Variants in HIPK2 observed in about 807,000 individuals in gnomAD.
The protein encoded by HIPK2 is homeodomain interacting protein kinase 2, also known as homeodomain-interacting protein kinase 2.
In HIPK2, 27 loss-of-function variants were observed where a neutral mutation model predicts 113.7. The ratio of observed to expected loss-of-function variants is 0.24; its 90% CI spans 0.17 to 0.33. The LOEUF (loss-of-function observed/expected upper bound fraction) is 0.33. HIPK2 is among the 10% of genes least tolerant of loss of function. The pLI, the probability that HIPK2 is intolerant of heterozygous loss-of-function variation, is 1.00. For missense variants in HIPK2, 1,257 were observed against 1,588.0 expected, an observed-to-expected ratio of 0.79 and a Z score of 3.54; for synonymous variants, 631 against 642.2, an observed-to-expected ratio of 0.98 and a Z score of 0.26.
At position 139,714,989 on chromosome 7, in the gene HIPK2, C is replaced by T. The variant is rs1024598408; in HGVS notation, c.1103+943G>A. 2.0e-5 allele frequency among the ~76,000 whole-genome samples: 3 copies of T among 152,140 alleles called. No homozygotes were observed. The highest frequency in any genetic ancestry group is 2.9e-5 in the Non-Finnish European group (2 of 68,026). ...GAAATGAAGGCATGGAGAAATCAGG[C>T]CATTAGGAGAGGAGGGACCAGGTTC... is the stretch of plus-strand genomic sequence containing the variant. On this transcript the variant is annotated intron_variant, in intron 2 of 14. Transcript: ENST00000406875. This position sits in a 1 kb window ranked among gnomAD's most constrained non-coding sequence, Gnocchi z 4.2.
In HIPK2 at chr7:139,566,495, T is replaced by G. The variant is rs918040582; in HGVS notation, c.*6432A>C. ...ATAGAAATATGAGGCCACGCATTGC[T>G]ATTAATTAAAAAAAGTTAAAAGATT... is the stretch of plus-strand genomic sequence containing the variant. On this transcript the variant is annotated 3_prime_UTR_variant, in exon 15 of 15. Coordinates refer to ENST00000406875, the MANE Select transcript of HIPK2 (RefSeq NM_022740.5). This position sits in a 1 kb window ranked among gnomAD's most constrained non-coding sequence, Gnocchi z 4.1. 1.3e-5 allele frequency: 2 copies of G among 152,168 alleles called. No individual in the cohort carries two copies. Among genetic ancestry groups the G allele is most frequent in the African/African-American group, 4.8e-5 (2 of 41,432 alleles). 9.4% of individuals were successfully genotyped at this position (152,168 alleles called of 1,614,324 possible). A position where few individuals can be genotyped will look rare whatever the true frequency, so the allele number is the denominator to read the frequency against.
chr7:139,615,145 G>C (rs1173918395), intron 7 of HIPK2, among the ~76,000 whole-genome samples: 2 of 152,252 alleles, frequency 1.3e-5, no homozygotes, highest in African/African-American at 4.8e-5. Context: ...TATGGTCTCA[G>C]TACCCAGAGC....
intron 6 of HIPK2, among the ~76,000 whole-genome samples, chr7:139,622,433 G>C (rs974859611): frequency 1.3e-5 from 2 of 152,180 alleles, no homozygotes; most frequent in Non-Finnish European, 2.9e-5. Context: ...TTTTTGGAAT[G>C]GGCTTAAAGC....
Position 139,741,476 on chromosome 7 carries a change from AT to A in HIPK2, c.20-24462del, listed in dbSNP as rs551032503. Among the ~76,000 whole-genome samples, 190 of 152,244 alleles carry A rather than the reference AT, an allele frequency of 1.2e-3. 1 individual carries two copies. The highest frequency in any genetic ancestry group is 4.1e-3 in the African/African-American group (169 of 41,536). ...TGGCATTATTTTTGTTTTTGAAGAT[AT>A]TGTATTTCAAAAGCAAACTGCTACA... On this transcript the variant is annotated intron_variant, in intron 1 of 14. Coordinates refer to ENST00000406875, the MANE Select transcript of HIPK2 (RefSeq NM_022740.5).
intron 10 of HIPK2, 138 bp downstream of exon 10, chr7:139,603,943 A>G (rs1201666516): frequency 1.1e-5 from 13 of 1,141,856 alleles, no homozygotes; most frequent in Non-Finnish European, 2.5e-6. Flanking sequence ...TAGTCCACAC[A>G]ATATTTTTAG....
chr7:139,651,342 C>A (rs1035035479), intron 2 of HIPK2, among the ~76,000 whole-genome samples: 6 of 152,206 alleles, frequency 3.9e-5, no homozygotes, highest in African/African-American at 1.4e-4. Context: ...GAGACAGACA[C>A]TCTTTGGCCT....
At chr7:139,646,666 CAA>C (rs1281582900) in intron 2 of HIPK2, among the ~76,000 whole-genome samples, 4 of 152,154 alleles carry the variant, frequency 2.6e-5, no homozygotes, top group African/African-American at 7.2e-5. Flanking sequence ...CAACATTCAG[CAA>C]AAGAGATGAG....
At chr7:139,685,377 G>T (rs1023613182) in intron 2 of HIPK2, among the ~76,000 whole-genome samples, 3 of 151,998 alleles carry the variant, frequency 2.0e-5, no homozygotes, top group Non-Finnish European at 4.4e-5. Flanking sequence ...TGCCCAGGCT[G>T]GTCTCAAACT....
At chr7:139,665,013 C>T (rs1488623134) in intron 2 of HIPK2, among the ~76,000 whole-genome samples, 1 of 150,792 alleles carries the variant, frequency 6.6e-6, no homozygotes, top group Non-Finnish European at 1.5e-5. Flanking sequence ...CAGCTCTTTC[C>T]TTGGTTACCC....
At position 139,572,764 on chromosome 7, in the gene HIPK2, GCCCCCCCCCCC is replaced by G. The variant is rs71170903; in HGVS notation, c.*152_*162del. 2.7e-4 allele frequency: 8 copies of G among 29,614 alleles called. 2 individuals are homozygous for G. The highest frequency in any genetic ancestry group is 3.8e-4 in the Non-Finnish European group (6 of 15,726). 1.8% of individuals were successfully genotyped at this position (29,614 alleles called of 1,614,324 possible). On this transcript the variant is annotated 3_prime_UTR_variant, in exon 15 of 15. Transcript: ENST00000406875. ...GTCCCGACCCGTCCCCCTGCCCTCT[GCCCCCCCCCCC>G]CCCCCCGCCCCTGCCCCGTTTGCAT...
chr7:139,572,870 T>C lies in HIPK2; in HGVS notation c.*57A>G. ...TCCCAGGAGCGCCTCCCTCCTTCTC[T>C]CCCTCCTCCCTCGGGCCATTCTCTC... On this transcript the variant is annotated 3_prime_UTR_variant, in exon 15 of 15. Transcript: ENST00000406875. The C allele has an allele frequency of 3.1e-6, 4 of 1,292,252 alleles. No individual in the cohort carries two copies. The highest frequency in any genetic ancestry group is 4.0e-6 in the Non-Finnish European group (4 of 999,042). The allele number at this position is 1,292,252 out of a possible 1,614,324, so 80.0% of individuals were successfully genotyped here.
intron 2 of HIPK2, among the ~76,000 whole-genome samples, chr7:139,646,344 T>G (rs908659772): frequency 6.6e-6 from 1 of 151,590 alleles, no homozygotes; most frequent in Non-Finnish European, 1.5e-5. Context: ...AAAAATTTTT[T>G]AAAAAATTAG....
chr7:139,665,037 C>A (rs1802000705), intron 2 of HIPK2, among the ~76,000 whole-genome samples: 1 of 141,092 alleles, frequency 7.1e-6, no homozygotes, highest in Non-Finnish European at 1.5e-5. Flanking sequence ...TTCTTTCTCT[C>A]TCTTTTTTTT....
intron 2 of HIPK2, among the ~76,000 whole-genome samples, chr7:139,639,583 GA>G (rs1800933632): frequency 6.6e-6 from 1 of 152,130 alleles, no homozygotes. Flanking sequence ...GGGGAAATTG[GA>G]GGAGGAGAGA....
At chr7:139,771,272 T>C (rs912707995) in intron 1 of HIPK2, among the ~76,000 whole-genome samples, 1 of 152,062 alleles carries the variant, frequency 6.6e-6, no homozygotes, top group East Asian at 1.9e-4. Context: ...CTTTCAAGTG[T>C]AGTTCAAGTT....
intron 2 of HIPK2, among the ~76,000 whole-genome samples, chr7:139,686,267 T>C (rs9692540): frequency 0.38 from 57,894 of 152,094 alleles, 12,109 homozygotes; most frequent in Non-Finnish European, 0.46. Flanking sequence ...TGCTGCACTC[T>C]CATGATCAAA....
At chr7:139,601,234 C>T (rs1799413820) in intron 10 of HIPK2, among the ~76,000 whole-genome samples, 1 of 144,792 alleles carries the variant, frequency 6.9e-6, no homozygotes, top group Admixed American at 6.9e-5. Flanking sequence ...CAGAGCGAGA[C>T]ACTGTCTCAA....
rs1209894467 is a variant in HIPK2 at position 139,572,691 on chromosome 7, T to C, written c.*236A>G. The C allele has an allele frequency of 2.4e-6, 1 of 415,694 alleles. No homozygotes were observed. The highest frequency in any genetic ancestry group is 4.2e-6 in the Non-Finnish European group (1 of 236,272). 25.8% of individuals were successfully genotyped at this position (415,694 alleles called of 1,614,324 possible). On this transcript the variant is annotated 3_prime_UTR_variant, in exon 15 of 15. Coordinates refer to ENST00000406875, the MANE Select transcript of HIPK2 (RefSeq NM_022740.5). ...TAATCCCTTCCTTTTAAAAATGTTCTCTTCTCTGCTCTACGTCCTCCCACT... is the reference window on the plus strand; with the variant it reads ...TAATCCCTTCCTTTTAAAAATGTTCCCTTCTCTGCTCTACGTCCTCCCACT...
intron 12 of HIPK2, among the ~76,000 whole-genome samples, chr7:139,594,741 G>A (rs1799138727): frequency 6.6e-6 from 1 of 152,222 alleles, no homozygotes; most frequent in African/African-American, 2.4e-5. Flanking sequence ...TCATGTGTCC[G>A]GCACATTTTC....
Sources: gnomAD v4.1 joint callset for allele counts (sites outside exome capture counted in the v4.1 genomes callset) on GRCh38, gnomAD v4.1.1 for gene constraint, Gnocchi (gnomAD v3.1) non-coding constraint, MANE v1.5 for transcripts, NCBI Gene and HGNC (gene_info 2026-07-23, HGNC 2026-07-21) for gene names.